Variants in CCDC149 observed in about 807,000 individuals in gnomAD.
CCDC149 encodes coiled-coil domain-containing protein 149.
In CCDC149, 45 loss-of-function variants were observed where a neutral mutation model predicts 59.9. That is an observed-to-expected ratio of 0.75 (90% CI 0.59 to 0.96). The LOEUF is 0.96. Ranked by LOEUF, CCDC149 falls within the 40% of genes least tolerant of loss-of-function variation. CCDC149 has a pLI of 0.00. For synonymous variants in CCDC149, 245 were observed against 260.6 expected (o/e 0.94, Z 0.58); for missense variants, 584 against 664.7 (o/e 0.88, Z 1.33).
chr4:24,916,787 G>GGTGTGT (rs55857592), upstream of CCDC149, among the ~76,000 whole-genome samples: 9,214 of 141,776 alleles, frequency 0.065, 351 homozygotes, highest in African/African-American at 0.095. Context: ...GGTTTATAAT[G>GGTGTGT]GTGTGTGTGT....
chr4:24,940,415 C>A (rs57931381), intron 1 of CCDC149, among the ~76,000 whole-genome samples: 5,623 of 152,170 alleles, frequency 0.037, 289 homozygotes, highest in African/African-American at 0.13. Flanking sequence ...TGGAAAGGAA[C>A]AACTGGTACC....
intron 3 of CCDC149, among the ~76,000 whole-genome samples, chr4:24,862,166 A>G (rs1718426637): frequency 6.6e-6 from 1 of 152,232 alleles, no homozygotes; most frequent in Non-Finnish European, 1.5e-5. Context: ...CCTCAAAGTG[A>G]TAAACATATG....
At chr4:24,851,217 GC>G (rs1560217437) in intron 4 of CCDC149, among the ~76,000 whole-genome samples, 3 of 152,166 alleles carry the variant, frequency 2.0e-5, no homozygotes, top group African/African-American at 7.2e-5. Context: ...ACATAAACAT[GC>G]TCTCTCACAC....
intron 1 of CCDC149, among the ~76,000 whole-genome samples, chr4:24,883,710 A>G (rs1019864293): frequency 6.6e-6 from 1 of 152,196 alleles, no homozygotes. Flanking sequence ...ATAAACTTAA[A>G]AAAGATTGAA....
chr4:24,823,264 G>A lies in CCDC149; in HGVS notation c.966-691C>T, dbSNP rs147231725. On this transcript the variant is annotated intron_variant, in intron 9 of 12. Coordinates refer to ENST00000635206, the MANE Select transcript of CCDC149 (RefSeq NM_001330643.2). ...TAGAATAATTACATTGTTCTCCAAG[G>A]TGACCATTCTGAGTCACTAAGATAT... Among the ~76,000 whole-genome samples the A allele has an allele frequency of 1.7e-3, 252 of 152,272 alleles. 1 individual carries two copies. The highest frequency in any genetic ancestry group is 5.7e-3 in the African/African-American group (237 of 41,556).
At chr4:24,904,616 T>G (rs1354634582) in intron 1 of CCDC149, among the ~76,000 whole-genome samples, 4 of 152,232 alleles carry the variant, frequency 2.6e-5, no homozygotes, top group Non-Finnish European at 4.4e-5. Flanking sequence ...GCAAACCTTT[T>G]CAGAAGTGAC....
intron 4 of CCDC149, among the ~76,000 whole-genome samples, chr4:24,844,571 G>A (rs1000400234): frequency 2.0e-5 from 3 of 152,082 alleles, no homozygotes; most frequent in Admixed American, 6.5e-5. Flanking sequence ...TCAGGAGTTC[G>A]AGGACAGCCT....
At chr4:24,937,514 C>T (rs1057464931) in intron 1 of CCDC149, among the ~76,000 whole-genome samples, 4 of 152,198 alleles carry the variant, frequency 2.6e-5, no homozygotes, top group African/African-American at 9.7e-5. Flanking sequence ...ATCTCAAAGG[C>T]CTAGCTAAAA....
intron 9 of CCDC149, 44 bp from the exon 10 acceptor site, chr4:24,822,617 G>C (rs1363754959): frequency 1.4e-6 from 2 of 1,409,952 alleles, no homozygotes; most frequent in Non-Finnish European, 1.9e-6. Context: ...TGAGCATCCT[G>C]TCAGCCCCCA....
Position 24,906,231 on chromosome 4 carries a change from C to CAATT in CCDC149, c.63+6582_63+6585dup, listed in dbSNP as rs963426759. 1.4e-4 allele frequency among the ~76,000 whole-genome samples: 22 copies of CAATT among 152,210 alleles called. No individual in the cohort carries two copies. The East Asian group carries it at 2.9e-3, about 20-fold the overall frequency. On this transcript the variant is annotated intron_variant, in intron 1 of 12. Coordinates refer to ENST00000635206, the MANE Select transcript of CCDC149 (RefSeq NM_001330643.2). ...TTCTTAGGAAGTGAAAACTAATCCC[C>CAATT]AATTCCCTGGACCCAGCCTTGGTGT...
intron 1 of CCDC149, among the ~76,000 whole-genome samples, chr4:24,978,091 C>G (rs997957529): frequency 6.6e-6 from 1 of 152,128 alleles, no homozygotes; most frequent in South Asian, 2.1e-4. Flanking sequence ...ATATTTGCAC[C>G]ACTAACTCCA....
At chr4:24,814,722 C>T (rs1331407819) in intron 12 of CCDC149, among the ~76,000 whole-genome samples, 1 of 152,220 alleles carries the variant, frequency 6.6e-6, no homozygotes, top group African/African-American at 2.4e-5. Context: ...GAAAGGCTGC[C>T]AGTGTCTCGG....
intron 3 of CCDC149, among the ~76,000 whole-genome samples, chr4:24,857,769 C>T (rs1216148594): frequency 6.6e-6 from 1 of 152,184 alleles, no homozygotes; most frequent in African/African-American, 2.4e-5. Context: ...AATCGCAATC[C>T]TCCAAGTGAG....
downstream of CCDC149, among the ~76,000 whole-genome samples, chr4:24,805,697 G>A (rs750036958): frequency 1.3e-5 from 2 of 152,182 alleles, no homozygotes; most frequent in Non-Finnish European, 2.9e-5. Context: ...AAGGTCTCAT[G>A]CGACCACAAG....
At chr4:24,896,909 A>G (rs1219041073) in intron 1 of CCDC149, among the ~76,000 whole-genome samples, 2 of 152,200 alleles carry the variant, frequency 1.3e-5, no homozygotes, top group African/African-American at 2.4e-5. Flanking sequence ...TTTCAATTTA[A>G]GTATTAACTG....
chr4:24,906,375 A>ATTTTTATTTT (rs1553859575), intron 1 of CCDC149, among the ~76,000 whole-genome samples: 8 of 10,470 alleles, frequency 7.6e-4, no homozygotes, highest in Non-Finnish European at 1.9e-3. Flanking sequence ...ATTTTATTTT[A>ATTTTTATTTT]TTTTATTTTA....
intron 10 of CCDC149, among the ~76,000 whole-genome samples, chr4:24,821,582 GTGT>G (rs1715401934): frequency 6.6e-6 from 1 of 152,220 alleles, no homozygotes; most frequent in Non-Finnish European, 1.5e-5. Context: ...TTCAGAAAAT[GTGT>G]TGTTGTCCAC....
rs1247055639 is a variant in CCDC149, at chr4:24,912,866, GCCT to G, written c.11_13del (p.Glu4del). 2.9e-6 allele frequency: 4 copies of G among 1,375,398 alleles called. No homozygotes were observed. The highest frequency in any genetic ancestry group is 3.8e-5 in the East Asian group (1 of 26,544). 85.2% of individuals were successfully genotyped at this position (1,375,398 alleles called of 1,614,324 possible). A position where few individuals can be genotyped will look rare whatever the true frequency, so the allele number is the denominator to read the frequency against. On this transcript the variant is annotated inframe_deletion, in exon 1 of 13. Transcript: ENST00000635206. ...GCTCTCAGTCCGGTCGCCGTTCATG[GCCT>G]CCTCCTCCATGCGCTGGCCGGCCTC...
At chr4:24,950,442 T>C (rs1251058670) in intron 1 of CCDC149, among the ~76,000 whole-genome samples, 1 of 152,242 alleles carries the variant, frequency 6.6e-6, no homozygotes, top group African/African-American at 2.4e-5. Flanking sequence ...AACATCACTT[T>C]ACTATTTTCA....
Sources: gnomAD v4.1 joint callset for allele counts (sites outside exome capture counted in the v4.1 genomes callset) on GRCh38, gnomAD v4.1.1 for gene constraint, MANE v1.5 for transcripts, NCBI Gene and HGNC (gene_info 2026-07-23, HGNC 2026-07-21) for gene names.